The following SGO1 variants were observed in gnomAD, a reference collection of about 807,000 sequenced individuals.
SGO1 encodes serologically defined breast cancer antigen NY-BR-85.
Under a neutral mutation model 50.5 loss-of-function variants are expected in SGO1, and 39 were observed. The ratio of observed to expected loss-of-function variants is 0.77; its 90% CI spans 0.60 to 1.01. SGO1 has a LOEUF of 1.01. Ranked by LOEUF, SGO1 falls within the 50% of genes least tolerant of loss-of-function variation. The pLI is 0.00. For missense variants in SGO1, 638 were observed against 606.0 expected (o/e 1.05, Z -0.55); for synonymous variants, 191 against 205.1 (o/e 0.93, Z 0.59).
In SGO1 at chr3:20,161,028, G is replaced by C; in HGVS notation, c.*77C>G. The C allele has an allele frequency of 4.4e-6, 7 of 1,596,560 alleles. No homozygotes were observed. The South Asian group carries it at 7.9e-5, about 18-fold the overall frequency. Reference sequence around the variant, plus strand: ...ATCTCTCCCCCAACACATAAAGCTAGAATCTATTAAAGGTCTGCATACATT... The same window carrying C: ...ATCTCTCCCCCAACACATAAAGCTACAATCTATTAAAGGTCTGCATACATT... On this transcript the variant is annotated 3_prime_UTR_variant, in exon 9 of 9. Transcript: ENST00000263753.
chr3:20,161,227 C>T lies in SGO1; in HGVS notation c.1565-1G>A. On this transcript the variant is annotated splice_acceptor_variant, in intron 8 of 8. Transcript: ENST00000263753. LOFTEE classifies it high-confidence loss of function. ...TTGGCAGGTGATACCTCCAGGGCTC[C>T]TGGTAAAAGCAAACACAAAATCAGT... The T allele has an allele frequency of 1.3e-6, 2 of 1,569,830 alleles. No individual in the cohort carries two copies. Among genetic ancestry groups the T allele is most frequent in the Middle Eastern group, 1.7e-4 (1 of 5,774 alleles).
intron 3 of SGO1, among the ~76,000 whole-genome samples, chr3:20,182,886 C>T (rs894604899): frequency 2.0e-4 from 30 of 151,886 alleles, no homozygotes; most frequent in African/African-American, 6.3e-4. Context: ...GGCGTGGTGG[C>T]GGGTGCCTGT....
chr3:20,164,834 C>G (rs1221113519), downstream of SGO1, among the ~76,000 whole-genome samples: 2 of 152,024 alleles, frequency 1.3e-5, no homozygotes, highest in East Asian at 3.9e-4. Flanking sequence ...TGCTAAGGGA[C>G]AAACTAACAA....
In SGO1 at chr3:20,183,966, C is replaced by T. The variant is rs374022493; in HGVS notation, c.62G>A (p.Arg21Gln). The T allele has an allele frequency of 1.7e-5, 28 of 1,612,632 alleles. No individual in the cohort carries two copies. The highest frequency in any genetic ancestry group is 1.6e-4 in the Middle Eastern group (1 of 6,080). ...FQDSLEDIKK[R>Q]MKEKRNKNLA... Reference sequence around the variant, plus strand: ...GTTTTTATTCCTTTTCTCTTTCATTCGCTTCTTTATGTCTTCAAGACTATC... The same window carrying T: ...GTTTTTATTCCTTTTCTCTTTCATTTGCTTCTTTATGTCTTCAAGACTATC... The change falls in exon 2 of 8, where the codon CGA (arginine) becomes CAA (glutamine). Residue 21 changes from arginine (R) to glutamine (Q), a missense_variant. Arg to Gln is a conservative substitution (Grantham distance 43). Coordinates refer to ENST00000412997, the MANE Select transcript of SGO1 (RefSeq NM_001199251.3).
intron 8 of SGO1, among the ~76,000 whole-genome samples, chr3:20,162,112 T>A (rs939022560): frequency 6.6e-6 from 1 of 152,154 alleles, no homozygotes; most frequent in African/African-American, 2.4e-5. Flanking sequence ...AGCAGAGTAA[T>A]AGACGGGAAA....
Position 20,169,943 on chromosome 3 carries a change from CAAT to C in SGO1, c.*758_*760del. Reference sequence around the variant, plus strand: ...ACTACACAGAGTTTCAAAAGATCCACAATAATTTATTTTACTCAAATATTGTAC... The same window carrying C: ...ACTACACAGAGTTTCAAAAGATCCACAATTTATTTTACTCAAATATTGTAC... On this transcript the variant is annotated 3_prime_UTR_variant, in exon 8 of 8. Transcript: ENST00000412997. The C allele has an allele frequency of 1.0e-6, 1 of 983,566 alleles. No individual in the cohort carries two copies. The highest frequency in any genetic ancestry group is 4.7e-5 in the South Asian group (1 of 21,254). The allele number at this position is 983,566 out of a possible 1,614,324, so 60.9% of individuals were successfully genotyped here. A position where few individuals can be genotyped will look rare whatever the true frequency, so the allele number is the denominator to read the frequency against.
intron 3 of SGO1, among the ~76,000 whole-genome samples, chr3:20,182,171 T>G (rs967831454): frequency 6.6e-6 from 1 of 152,062 alleles, no homozygotes; most frequent in Non-Finnish European, 1.5e-5. Flanking sequence ...ATACCATATA[T>G]GTACTTATTG....
chr3:20,174,891 T>C lies in SGO1; in HGVS notation c.640A>G (p.Ser214Gly). 1 of 1,614,034 alleles carries C rather than the reference T, an allele frequency of 6.2e-7. No homozygotes were observed. Among genetic ancestry groups the C allele is most frequent in the African/African-American group, 1.3e-5 (1 of 75,044 alleles). ...TCAAAAGACTTCCCTGCCAAATGAC[T>C]GGTTTCAAAATCATCCAAGCTATCA... Reference protein sequence around the residue: ...QFDSLDDFETSHLAGKSFEFE... With the variant: ...QFDSLDDFETGHLAGKSFEFE... The change falls in exon 6 of 8, where the codon AGT becomes GGT. Residue 214 changes from serine to glycine, a missense_variant. Coordinates refer to ENST00000412997, the MANE Select transcript of SGO1 (RefSeq NM_001199251.3).
chr3:20,166,545 A>G (rs61171008), downstream of SGO1, among the ~76,000 whole-genome samples: 1,694 of 152,304 alleles, frequency 0.011, 31 homozygotes, highest in African/African-American at 0.039. Flanking sequence ...ATAGAGATAG[A>G]AAGTAAAAGT....
chr3:20,179,710 C>T (rs1701799649), intron 3 of SGO1, among the ~76,000 whole-genome samples: 1 of 152,074 alleles, frequency 6.6e-6, no homozygotes, highest in East Asian at 1.9e-4. Flanking sequence ...ATTACAGCCA[C>T]GAGTCAATGT....
chr3:20,163,035 A>C (rs1421172388), intron 8 of SGO1, among the ~76,000 whole-genome samples: 1 of 152,164 alleles, frequency 6.6e-6, no homozygotes, highest in East Asian at 1.9e-4. Flanking sequence ...TTAAAATAAG[A>C]GAAGTCTTAA....
At chr3:20,185,629 T>G (rs565374136) in intron 1 of SGO1, among the ~76,000 whole-genome samples, 1 of 152,318 alleles carries the variant, frequency 6.6e-6, no homozygotes, top group East Asian at 1.9e-4. Flanking sequence ...AGGAAGAGAA[T>G]GGCCTGGACA....
downstream of SGO1, among the ~76,000 whole-genome samples, chr3:20,168,117 T>C (rs558787812): frequency 6.6e-6 from 1 of 152,306 alleles, no homozygotes; most frequent in African/African-American, 2.4e-5. Flanking sequence ...TGAACAAATA[T>C]GACAGCAAGA....
chr3:20,174,096 T>G, intron 6 of SGO1, 153 bp downstream of exon 6: 1 of 633,402 alleles, frequency 1.6e-6, no homozygotes, highest in South Asian at 2.2e-5. Flanking sequence ...AGCCCCCCAC[T>G]GTTTAATCAG....
chr3:20,171,395 G>A, intron 6 of SGO1, 163 bp from the exon 7 acceptor site: 1 of 511,842 alleles, frequency 2.0e-6, no homozygotes, highest in Non-Finnish European at 3.3e-6. Flanking sequence ...CTGAAGTGCA[G>A]TGGTGTGATC....
At chr3:20,169,408 T>C, downstream of SGO1, 1 of 984,774 alleles carries the variant, frequency 1.0e-6, no homozygotes, top group Non-Finnish European at 1.2e-6. Flanking sequence ...GGAGAGGAAA[T>C]GTCCAAGGAT....
At chr3:20,161,103 C>CT in exon 9 of SGO1, 1 of 1,613,864 alleles carries the variant, frequency 6.2e-7, no homozygotes, top group Non-Finnish European at 8.5e-7. Flanking sequence ...AGCCCGTGGA[C>CT]TTTACCTCAA....
At chr3:20,179,124 G>A (rs1363393300) in intron 3 of SGO1, among the ~76,000 whole-genome samples, 1 of 152,148 alleles carries the variant, frequency 6.6e-6, no homozygotes, top group Non-Finnish European at 1.5e-5. Flanking sequence ...GAACAATGAG[G>A]GAGAGGAAAG....
intron 6 of SGO1, 99 bp downstream of exon 6, chr3:20,174,150 C>T (rs2125298686): frequency 1.0e-6 from 1 of 975,608 alleles, no homozygotes; most frequent in Middle Eastern, 2.3e-4. Flanking sequence ...AGTCTCCAAC[C>T]TCCACCAGAG....
Sources: gnomAD v4.1 joint callset for allele counts (sites outside exome capture counted in the v4.1 genomes callset) on GRCh38, gnomAD v4.1.1 for gene constraint, MANE v1.5 for transcripts, NCBI Gene and HGNC (gene_info 2026-07-23, HGNC 2026-07-21) for gene names.